Variants in EYS observed in about 807,000 individuals in gnomAD.
EYS encodes protein eyes shut homolog.
In EYS, 250 loss-of-function variants were observed where a neutral mutation model predicts 282.1. That is an observed-to-expected ratio of 0.89 (90% CI 0.80 to 0.98). The LOEUF (loss-of-function observed/expected upper bound fraction) is 0.98, where lower values mean the gene tolerates loss of function less well. Ranked by LOEUF, EYS falls within the 50% of genes least tolerant of loss-of-function variation. EYS has a pLI of 0.00. For synonymous variants in EYS, 1,355 were observed against 1,282.9 expected (o/e 1.06, Z -1.20); for missense variants, 4,016 against 3,709.0 (o/e 1.08, Z -2.15).
chr6:65,357,319 T>A (rs1398779663), intron 8 of EYS, among the ~76,000 whole-genome samples: 3 of 151,992 alleles, frequency 2.0e-5, no homozygotes, highest in African/African-American at 7.2e-5. Context: ...AAAGTGTTTT[T>A]TGGCTTGCTA....
intron 12 of EYS, among the ~76,000 whole-genome samples, chr6:65,060,969 T>A (rs368897815): frequency 2.0e-5 from 3 of 151,888 alleles, no homozygotes; most frequent in African/African-American, 7.2e-5. Context: ...CCAATGATAC[T>A]GTATCTGTAA....
At chr6:63,771,051 A>G (rs1769915655) in intron 40 of EYS, among the ~76,000 whole-genome samples, 1 of 152,118 alleles carries the variant, frequency 6.6e-6, no homozygotes. Context: ...TGTAGGCCTT[A>G]TTTTGTAGTT....
At chr6:64,170,691 A>G (rs1764452873) in intron 31 of EYS, among the ~76,000 whole-genome samples, 3 of 150,486 alleles carry the variant, frequency 2.0e-5, no homozygotes, top group African/African-American at 4.9e-5. Flanking sequence ...ATCTGCAAAG[A>G]CCTTGTTTAT....
intron 12 of EYS, among the ~76,000 whole-genome samples, chr6:65,110,479 T>C (rs1775182356): frequency 6.6e-6 from 1 of 152,126 alleles, no homozygotes. Flanking sequence ...TAAAACTTTA[T>C]AGAGGGCAAG....
At chr6:65,560,831 T>G (rs1023098556) in intron 2 of EYS, among the ~76,000 whole-genome samples, 14 of 152,118 alleles carry the variant, frequency 9.2e-5, no homozygotes, top group African/African-American at 3.4e-4. Flanking sequence ...TATCTTCTTA[T>G]TCTATGGGTA....
At chr6:65,142,958 A>G (rs2150210041) in intron 12 of EYS, among the ~76,000 whole-genome samples, 1 of 152,228 alleles carries the variant, frequency 6.6e-6, no homozygotes, top group East Asian at 1.9e-4. Context: ...GAATCAATGT[A>G]ACTACTTTTG....
At chr6:65,589,000 A>T (rs1349148613) in intron 2 of EYS, among the ~76,000 whole-genome samples, 2 of 152,034 alleles carry the variant, frequency 1.3e-5, no homozygotes, top group Non-Finnish European at 2.9e-5. Context: ...AATAGTCATC[A>T]TTCTTTAAAA....
chr6:64,887,712 G>T (rs948697779), intron 18 of EYS, among the ~76,000 whole-genome samples: 2 of 151,844 alleles, frequency 1.3e-5, no homozygotes, highest in East Asian at 1.9e-4. Flanking sequence ...TTAATTGAGC[G>T]CCAGACATTA....
intron 32 of EYS, among the ~76,000 whole-genome samples, chr6:64,076,538 C>T (rs1326133668): frequency 6.6e-6 from 1 of 151,874 alleles, no homozygotes; most frequent in African/African-American, 2.4e-5. Flanking sequence ...GGCATTTTCC[C>T]TCATACTGTT....
chr6:64,002,997 A>T (rs1449183515), intron 33 of EYS, among the ~76,000 whole-genome samples: 2 of 152,188 alleles, frequency 1.3e-5, no homozygotes, highest in Non-Finnish European at 2.9e-5. Flanking sequence ...TGTTTCCTGG[A>T]TTCCATGCCT....
At position 64,094,245 on chromosome 6, in the gene EYS, G is replaced by T. The variant is rs560149859; in HGVS notation, c.6425-12243C>A. ...TTTGGTTGTGTCTTTGCCTGGCTTT[G>T]GTATCAGGATGATGCTGGCCTTATA... On this transcript the variant is annotated intron_variant, in intron 31 of 42. Transcript: ENST00000503581. Among the ~76,000 whole-genome samples, 76 of 152,186 alleles carry T rather than the reference G, an allele frequency of 5.0e-4. No homozygotes were observed. The South Asian group carries it at 0.012, about 25-fold the overall frequency.
In EYS at chr6:64,710,561, T is replaced by C. The variant is rs115071751; in HGVS notation, c.3444-84316A>G. ...GGCCCACTCCCACCCTGTGGAGTGC[T>C]TTCTCACTTTAATAAATTTCTGGTT... On this transcript the variant is annotated intron_variant, in intron 22 of 42. Coordinates refer to ENST00000503581, the MANE Select transcript of EYS (RefSeq NM_001142800.2). 7.9e-3 allele frequency among the ~76,000 whole-genome samples: 1,196 copies of C among 152,338 alleles called. 24 individuals carry two copies. The highest frequency in any genetic ancestry group is 0.027 in the African/African-American group (1,125 of 41,586).
chr6:64,422,372 G>A (rs2150452709), intron 28 of EYS, among the ~76,000 whole-genome samples: 1 of 152,290 alleles, frequency 6.6e-6, no homozygotes, highest in South Asian at 2.1e-4. Context: ...ATCCCTCTTG[G>A]AATATGGATA....
At chr6:64,014,365 G>A (rs2149814008) in intron 33 of EYS, among the ~76,000 whole-genome samples, 2 of 151,782 alleles carry the variant, frequency 1.3e-5, no homozygotes, top group East Asian at 3.9e-4. Flanking sequence ...CATTAAGTAT[G>A]TAGTTTTTTT....
chr6:65,693,148 T>C (rs1473334700), intron 1 of EYS, among the ~76,000 whole-genome samples: 1 of 149,836 alleles, frequency 6.7e-6, no homozygotes, highest in Non-Finnish European at 1.5e-5. Flanking sequence ...ATCGCTTCCT[T>C]CCTTTCTTCC....
At chr6:65,336,283 T>A (rs1200827461) in intron 10 of EYS, among the ~76,000 whole-genome samples, 1 of 151,778 alleles carries the variant, frequency 6.6e-6, no homozygotes, top group Non-Finnish European at 1.5e-5. Flanking sequence ...TTGGATGACA[T>A]AATCATTTCA....
intron 5 of EYS, among the ~76,000 whole-genome samples, chr6:65,480,375 T>C (rs1298225204): frequency 6.6e-6 from 1 of 152,070 alleles, no homozygotes; most frequent in East Asian, 1.9e-4. Flanking sequence ...CTTATATAAA[T>C]ATACACAGAT....
intron 29 of EYS, among the ~76,000 whole-genome samples, chr6:64,376,910 T>C (rs1772578815): frequency 6.6e-6 from 1 of 152,300 alleles, no homozygotes; most frequent in Non-Finnish European, 1.5e-5. Context: ...ACCTGGCTGA[T>C]ATCCTTGACT....
At chr6:64,429,869 A>G (rs1774523573) in intron 28 of EYS, among the ~76,000 whole-genome samples, 2 of 152,168 alleles carry the variant, frequency 1.3e-5, no homozygotes. Flanking sequence ...TCAATTGTTC[A>G]TTTTTTATTT....
Sources: allele counts gnomAD v4.1 joint callset (sites outside exome capture counted in the v4.1 genomes callset), GRCh38; gene constraint gnomAD v4.1.1; transcripts MANE v1.5; gene names NCBI Gene and HGNC (gene_info 2026-07-23, HGNC 2026-07-21).